ACBD3: variants seen among roughly 807,000 people sequenced by gnomAD.
ACBD3 encodes the protein acyl-CoA binding domain containing 3.
Under a neutral mutation model 66.9 loss-of-function variants are expected in ACBD3, and 30 were observed. The ratio of observed to expected loss-of-function variants is 0.45; its 90% CI spans 0.34 to 0.61. ACBD3 has a LOEUF of 0.61. Ranked by LOEUF, ACBD3 falls within the 20% of genes least tolerant of loss-of-function variation. The pLI, the probability that ACBD3 is intolerant of heterozygous loss-of-function variation, is 0.02. For missense variants in ACBD3, 544 were observed against 664.5 expected (o/e 0.82, Z 1.99); for synonymous variants, 278 against 259.8 (o/e 1.07, Z -0.68).
intron 5 of ACBD3, among the ~76,000 whole-genome samples, chr1:226,157,733 G>T (rs1659703228): frequency 6.6e-6 from 1 of 151,992 alleles, no homozygotes; most frequent in Non-Finnish European, 1.5e-5. Context: ...TAAGAGATGG[G>T]GTCTCCCTAT....
chr1:226,151,559 G>A (rs1256747372), intron 7 of ACBD3, among the ~76,000 whole-genome samples: 2 of 152,104 alleles, frequency 1.3e-5, no homozygotes, highest in African/African-American at 4.8e-5. Flanking sequence ...ATTTCCAAAT[G>A]GAAAAATAAT....
In ACBD3 at chr1:226,159,310, C is replaced by T. The variant is rs1380443873; in HGVS notation, c.777G>A (p.Gln259=). The T allele has an allele frequency of 6.2e-7, 1 of 1,614,066 alleles. No homozygotes were observed. The highest frequency in any genetic ancestry group is 1.3e-5 in the African/African-American group (1 of 74,922). The part of the protein sequence containing the change: ...ALNSQTAVQF[Q]QYAAQQYPGN... ...CTGGATACTGTTGGGCTGCATACTG[C>T]TGGAACTGCACGGCAGTCTGGGAGT... The change falls in exon 5 of 8, where the codon CAG becomes CAA. Residue 259 remains glutamine (Q), a synonymous_variant. Transcript: ENST00000366812.
intron 1 of ACBD3, among the ~76,000 whole-genome samples, chr1:226,182,333 A>G (rs912187139): frequency 1.3e-5 from 2 of 151,614 alleles, no homozygotes; most frequent in African/African-American, 2.4e-5. Context: ...TAATACTTAC[A>G]TGGCCAGGCG....
chr1:226,184,822 C>T (rs1194808489), intron 1 of ACBD3, among the ~76,000 whole-genome samples: 4 of 148,456 alleles, frequency 2.7e-5, no homozygotes, highest in South Asian at 2.1e-4. Flanking sequence ...TTTTTTTAGA[C>T]GGAGTTTTGC....
At chr1:226,183,646 C>T (rs1220023637) in intron 1 of ACBD3, among the ~76,000 whole-genome samples, 1 of 152,132 alleles carries the variant, frequency 6.6e-6, no homozygotes, top group African/African-American at 2.4e-5. Flanking sequence ...ATAATCCCAA[C>T]ACTTTGGGAG....
chr1:226,152,125 T>G (rs952396619), intron 7 of ACBD3, among the ~76,000 whole-genome samples: 1 of 152,210 alleles, frequency 6.6e-6, no homozygotes, highest in Non-Finnish European at 1.5e-5. Flanking sequence ...TAGATTTTCC[T>G]GGCATTCAGA....
chr1:226,185,011 T>C (rs1281078446), intron 1 of ACBD3, among the ~76,000 whole-genome samples: 3 of 151,364 alleles, frequency 2.0e-5, no homozygotes, highest in Non-Finnish European at 4.4e-5. Context: ...TGCTACAATA[T>C]ACTTTACTGA....
chr1:226,185,202 T>C (rs927861125), intron 1 of ACBD3, among the ~76,000 whole-genome samples: 3 of 152,178 alleles, frequency 2.0e-5, no homozygotes, highest in Admixed American at 2.0e-4. Flanking sequence ...CCAAGCTAGT[T>C]AGTACACAGA....
At chr1:226,169,463 A>T (rs1350265052) in intron 1 of ACBD3, among the ~76,000 whole-genome samples, 2 of 149,322 alleles carry the variant, frequency 1.3e-5, no homozygotes, top group African/African-American at 4.9e-5. Context: ...GTTAGCCAGG[A>T]TGGTCTCGAT....
At chr1:226,161,436 G>T in intron 4 of ACBD3, 95 bp downstream of exon 4, 1 of 1,554,560 alleles carries the variant, frequency 6.4e-7, no homozygotes. Context: ...GGGATTACAG[G>T]CGTGAACCAC....
rs776999702 is a variant in ACBD3, at chr1:226,164,875, A to G, written c.483T>C (p.Phe161=). 2 of 1,610,852 alleles carry G rather than the reference A, an allele frequency of 1.2e-6. No homozygotes were observed. Among genetic ancestry groups the G allele is most frequent in the Non-Finnish European group, 1.7e-6 (2 of 1,178,518 alleles). Residue 161 remains phenylalanine (F), a synonymous_variant, in exon 3 of 8, where the codon TTT becomes TTC. Transcript: ENST00000366812. ...NMSKEDAMVE[F]VKLLNRCCHL... is the part of the protein sequence containing the mutation. ...GGCAACACCTATTTAAGAGCTTGAC[A>G]AACTCCACCATGGCATCCTCTTTAG...
At chr1:226,177,397 G>A (rs540472352) in intron 1 of ACBD3, among the ~76,000 whole-genome samples, 17 of 145,958 alleles carry the variant, frequency 1.2e-4, no homozygotes, top group Non-Finnish European at 2.1e-4. Context: ...GGGTTTCACC[G>A]CATTAGCCAG....
At chr1:226,151,703 C>T (rs1375898767) in intron 7 of ACBD3, among the ~76,000 whole-genome samples, 2 of 152,110 alleles carry the variant, frequency 1.3e-5, no homozygotes, top group Admixed American at 1.3e-4. Context: ...TTCTTACTTG[C>T]TCCTTTAAAA....
At chr1:226,147,481 G>A (rs1413115635) in intron 7 of ACBD3, among the ~76,000 whole-genome samples, 1 of 152,014 alleles carries the variant, frequency 6.6e-6, no homozygotes, top group African/African-American at 2.4e-5. Context: ...TTCATCCTCA[G>A]GAATTTCACT....
At position 226,176,376 on chromosome 1, in the gene ACBD3, C is replaced by T. The variant is rs952894927; in HGVS notation, c.286+10014G>A. Among the ~76,000 whole-genome samples, 5 of 142,156 alleles carry T rather than the reference C, an allele frequency of 3.5e-5. No homozygotes were observed. The South Asian group carries it at 9.0e-4, about 26-fold the overall frequency. The allele number at this position is 142,156 out of a possible 152,430, so 93.3% of individuals were successfully genotyped here. On this transcript the variant is annotated intron_variant, in intron 1 of 7. Coordinates refer to ENST00000366812, the MANE Select transcript of ACBD3 (RefSeq NM_022735.4). ...GACTGGGAGGCAGAGGTTGCAGTGACTCAAGATCGCACCACTGCACTCCAG... is the reference window on the plus strand; with the variant it reads ...GACTGGGAGGCAGAGGTTGCAGTGATTCAAGATCGCACCACTGCACTCCAG...
At position 226,160,304 on chromosome 1, in the gene ACBD3, C is replaced by T. The variant is rs9728014; in HGVS notation, c.729-946G>A. Among the ~76,000 whole-genome samples the T allele has an allele frequency of 2.9e-5, 4 of 135,998 alleles. No homozygotes were observed. In the Admixed American group the frequency reaches 3.0e-4, roughly 10 times the overall value. 89.2% of individuals were successfully genotyped at this position (135,998 alleles called of 152,430 possible). On this transcript the variant is annotated intron_variant, in intron 4 of 7. Coordinates refer to ENST00000366812, the MANE Select transcript of ACBD3 (RefSeq NM_022735.4). ...ACGGTTTCACCATGTTGGCCAGGCT[C>T]GTTTCAAACCCCTGACCTCAATCAA...
At position 226,145,265 on chromosome 1, in the gene ACBD3, C is replaced by G. The variant is rs1406311622; in HGVS notation, c.*1345G>C. The G allele has an allele frequency of 6.6e-6, 1 of 152,540 alleles. No homozygotes were observed. Among genetic ancestry groups the G allele is most frequent in the Non-Finnish European group, 1.5e-5 (1 of 68,032 alleles). 9.4% of individuals were successfully genotyped at this position (152,540 alleles called of 1,614,324 possible). ...TACAGCACACAAAAAACTCAAACAA[C>G]CCATATGTAGTGAACTGTATATACT... On this transcript the variant is annotated 3_prime_UTR_variant, in exon 8 of 8. Transcript: ENST00000366812.
At position 226,146,543 on chromosome 1, in the gene ACBD3, A is replaced by G. The variant is rs965682667; in HGVS notation, c.*67T>C. The G allele has an allele frequency of 7.1e-7, 1 of 1,415,654 alleles. No homozygotes were observed. The highest frequency in any genetic ancestry group is 1.4e-5 in the African/African-American group (1 of 70,368). The allele number at this position is 1,415,654 out of a possible 1,614,324, so 87.7% of individuals were successfully genotyped here. ...TGACTCTAATGCTCCACAAAAGTAA[A>G]AAGAAATTTCCAAATTAAATGTCAT... On this transcript the variant is annotated 3_prime_UTR_variant, in exon 8 of 8. Transcript: ENST00000366812.
chr1:226,170,422 C>T (rs958476100), intron 1 of ACBD3, among the ~76,000 whole-genome samples: 2 of 150,754 alleles, frequency 1.3e-5, no homozygotes, highest in African/African-American at 4.9e-5. Context: ...GATCTGCCCA[C>T]CTGGGCCTCC....
Sources: gnomAD v4.1 joint callset for allele counts (sites outside exome capture counted in the v4.1 genomes callset) on GRCh38, gnomAD v4.1.1 for gene constraint, MANE v1.5 for transcripts, NCBI Gene and HGNC (gene_info 2026-07-23, HGNC 2026-07-21) for gene names.